THSD1: variants seen among roughly 807,000 people sequenced by gnomAD.
The protein encoded by THSD1 is thrombospondin type-1 domain-containing protein 1.
Under a neutral mutation model 46.3 loss-of-function variants are expected in THSD1, and 34 were observed. That is an observed-to-expected ratio of 0.74 (90% CI 0.56 to 0.98). The LOEUF (loss-of-function observed/expected upper bound fraction) is 0.98, where lower values mean the gene tolerates loss of function less well. Among genes scored for constraint, THSD1 ranks in the 50% least tolerant of loss-of-function variants. The pLI, the probability that THSD1 is intolerant of heterozygous loss-of-function variation, is 0.00. For synonymous variants in THSD1, 407 were observed against 416.5 expected (o/e 0.98, Z 0.28); for missense variants, 1,023 against 1,058.3 (o/e 0.97, Z 0.46).
At chr13:52,403,906 T>C (rs138107985) in intron 1 of THSD1, among the ~76,000 whole-genome samples, 232 of 152,088 alleles carry the variant, frequency 1.5e-3, no homozygotes, top group African/African-American at 4.9e-3. Flanking sequence ...ATATGTACTT[T>C]CTTAATGTTT....
chr13:52,401,465 A>G (rs1957860684), intron 2 of THSD1, among the ~76,000 whole-genome samples: 1 of 149,688 alleles, frequency 6.7e-6, no homozygotes, highest in Non-Finnish European at 1.5e-5. Flanking sequence ...CATCCGGCTA[A>G]TTTTTTTGTA....
rs1287495845 is a variant in THSD1 at position 52,397,518 on chromosome 13, C to T, written c.735G>A (p.Val245=). 1 of 1,614,138 alleles carries T rather than the reference C, an allele frequency of 6.2e-7. No homozygotes were observed. Among genetic ancestry groups the T allele is most frequent in the Non-Finnish European group, 8.5e-7 (1 of 1,180,026 alleles). Reference sequence around the variant, plus strand: ...ACTCACATGTGAGTTCTGGCACCATCACCAGTTTGTATCCAAATTTCTGGG... The same window carrying T: ...ACTCACATGTGAGTTCTGGCACCATTACCAGTTTGTATCCAAATTTCTGGG... ...DLAQKFGYKL[V]MVPELTCESG... The change falls in exon 3 of 5, where the codon GTG becomes GTA. Residue 245 remains valine (V), a synonymous_variant. Coordinates refer to ENST00000258613, the MANE Select transcript of THSD1 (RefSeq NM_018676.4).
intron 3 of THSD1, among the ~76,000 whole-genome samples, chr13:52,392,952 T>A (rs965491405): frequency 5.3e-5 from 8 of 151,964 alleles, no homozygotes; most frequent in Admixed American, 3.3e-4. Context: ...AAGAGATGGG[T>A]GGCACAAAAT....
At chr13:52,381,941 G>T (rs1196019846) in intron 4 of THSD1, among the ~76,000 whole-genome samples, 1 of 152,100 alleles carries the variant, frequency 6.6e-6, no homozygotes, top group African/African-American at 2.4e-5. Context: ...TCCCACCAAG[G>T]TTATGAATGA....
chr13:52,387,132 C>A (rs1243955134), intron 3 of THSD1, among the ~76,000 whole-genome samples: 2 of 152,156 alleles, frequency 1.3e-5, no homozygotes, highest in African/African-American at 2.4e-5. Flanking sequence ...AAGATGAAAG[C>A]CTCTCTGATG....
chr13:52,403,082 T>A (rs2137751542), intron 1 of THSD1: 1 of 504,670 alleles, frequency 2.0e-6, no homozygotes, highest in Admixed American at 6.4e-5. Context: ...TCTGCTAAAC[T>A]TTAATTTAGC....
rs1214608790 is a variant in THSD1, at chr13:52,378,194, C to T, written c.1776G>A (p.Pro592=). ...CCCCGGCACTGACCGCGGGCTGCTC[C>T]GGAAATGGGGATTTGATCCGGAACT... The part of the protein sequence containing the change: ...ANKFRIKSPF[P]EQPAVSAGER... Residue 592 remains proline (P), a synonymous_variant, in exon 5 of 5, where the codon CCG becomes CCA. Coordinates refer to ENST00000258613, the MANE Select transcript of THSD1 (RefSeq NM_018676.4). The T allele has an allele frequency of 1.2e-6, 2 of 1,614,172 alleles. No individual in the cohort carries two copies. Among genetic ancestry groups the T allele is most frequent in the South Asian group, 1.1e-5 (1 of 91,082 alleles).
At chr13:52,404,689 G>A (rs1430776749) in intron 1 of THSD1, among the ~76,000 whole-genome samples, 2 of 152,166 alleles carry the variant, frequency 1.3e-5, no homozygotes, top group African/African-American at 4.8e-5. Flanking sequence ...CAATTACAAT[G>A]CTTCTTTTAA....
Position 52,378,798 on chromosome 13 carries a change from A to C in THSD1, c.1181-9T>G, listed in dbSNP as rs200873789. On this transcript the variant is annotated splice_polypyrimidine_tract_variant and intron_variant, in intron 4 of 4. Transcript: ENST00000258613. ...GCTGGATGGCTGGAAAGCTGCAAAA[A>C]AAAACAAAACAAAACAAACAAACAA... The C allele has an allele frequency of 9.8e-4, 1,521 of 1,556,502 alleles. 17 individuals are homozygous for C. In the African/African-American group the frequency reaches 0.01, roughly 11 times the overall value.
Position 52,378,654 on chromosome 13 carries a change from A to C in THSD1, c.1316T>G (p.Phe439Cys). ...ATVLITLWRRFGRPAKCSTPA... is the reference protein window; with the variant it reads ...ATVLITLWRRCGRPAKCSTPA... ...TGTGCTGCACTTGGCTGGCCGGCCG[A>C]ACCTCCTCCACAGCGTGATGAGCAC... The change falls in exon 5 of 5, where the codon TTC becomes TGC. Residue 439 changes from phenylalanine (F) to cysteine (C), a missense_variant. Physicochemically the swap from Phe to Cys is radical, Grantham distance 205. This residue lies in a region of THSD1 where 578 missense variants were observed against 497.4 expected (regional missense o/e 1.16). Transcript: ENST00000258613. 6.2e-7 allele frequency: 1 copy of C among 1,614,094 alleles called. No individual in the cohort carries two copies. Among genetic ancestry groups the C allele is most frequent in the South Asian group, 1.1e-5 (1 of 91,078 alleles).
intron 3 of THSD1, among the ~76,000 whole-genome samples, chr13:52,395,894 T>C (rs1288333999): frequency 1.3e-5 from 2 of 152,138 alleles, no homozygotes; most frequent in African/African-American, 4.8e-5. Context: ...CAGGCCACCA[T>C]GATGTAACCT....
chr13:52,397,769 T>C lies in THSD1; in HGVS notation c.484A>G (p.Lys162Glu). 2 of 1,614,272 alleles carry C rather than the reference T, an allele frequency of 1.2e-6. No homozygotes were observed. The highest frequency in any genetic ancestry group is 1.7e-6 in the Non-Finnish European group (2 of 1,180,044). ...SQPLCPFPVD[K>E]PNIVVDVIFT... ...ATGACATCCACTACGATGTTGGGCT[T>C]GTCCACAGGAAACGGGCACAGTGGT... Residue 162 changes from lysine to glutamate, a missense_variant, in exon 3 of 5, where the codon AAG (lysine) becomes GAG (glutamate). Physicochemically the swap from Lys to Glu is moderately conservative, Grantham distance 56 (BLOSUM62 1). Around this residue, in one of 3 missense-constraint regions of THSD1, gnomAD observed 429 missense variants for 518.3 expected, o/e 0.83. Transcript: ENST00000258613.
At position 52,402,667 on chromosome 13, in the gene THSD1, T is replaced by C; in HGVS notation, c.-67A>G. ...TTTCTCACGTCCAGATTGTGATTTT[T>C]TTCCCCAAAAACACCTGAAATTAGA... is the stretch of plus-strand genomic sequence containing the variant. On this transcript the variant is annotated 5_prime_UTR_variant, in exon 2 of 5. Transcript: ENST00000258613. 7 of 1,595,528 alleles carry C rather than the reference T, an allele frequency of 4.4e-6. No individual in the cohort carries two copies. The highest frequency in any genetic ancestry group is 6.0e-6 in the Non-Finnish European group (7 of 1,169,578).
At chr13:52,387,272 A>G (rs1328043412) in intron 3 of THSD1, among the ~76,000 whole-genome samples, 1 of 152,240 alleles carries the variant, frequency 6.6e-6, no homozygotes, top group Non-Finnish European at 1.5e-5. Flanking sequence ...GAGGGTAGCC[A>G]TAACAATGGT....
Position 52,377,513 on chromosome 13 carries a change from G to T in THSD1, c.2457C>A (p.Leu819=). The T allele has an allele frequency of 6.3e-7, 1 of 1,596,720 alleles. No homozygotes were observed. Among genetic ancestry groups the T allele is most frequent in the Non-Finnish European group, 8.6e-7 (1 of 1,165,698 alleles). ...CCAGCATCCTCTGCTCAGCCTCAGT[G>T]AGGCCAAACGACGTATTGTCATAGA... The part of the protein sequence containing the change: ...FAFYDNTSFG[L]TEAEQRMLDL... Residue 819 remains leucine (L), a synonymous_variant, in exon 5 of 5, where the codon CTC becomes CTA. Transcript: ENST00000258613.
In THSD1 at chr13:52,397,809, GC is replaced by G. The variant is rs1404402810; in HGVS notation, c.443del (p.Gly148AlafsTer19). 1.2e-6 allele frequency: 2 copies of G among 1,614,220 alleles called. No homozygotes were observed. The highest frequency in any genetic ancestry group is 2.2e-5 in the South Asian group (2 of 91,086). On this transcript the variant is annotated frameshift_variant, in exon 3 of 5. Coordinates refer to ENST00000258613, the MANE Select transcript of THSD1 (RefSeq NM_018676.4). LOFTEE classifies it high-confidence loss of function. ...AKAAEGTFQV[G>X]LFTSQPLCPF... is the part of the protein sequence containing the mutation. The stretch of plus-strand genomic sequence containing the variant: ...GGCACAGTGGTTGACTGGTAAATAG[GC>G]CCACTTGGAAGGTGCCTTCTGCTGC...
rs963061599 is a variant in THSD1, at chr13:52,398,189, C to T, written c.64G>A (p.Gly22Arg). Residue 22 changes from glycine to arginine, a missense_variant, in exon 3 of 5, where the codon GGA (glycine) becomes AGA (arginine). Around this residue, in one of 3 missense-constraint regions of THSD1, gnomAD observed 429 missense variants for 518.3 expected, o/e 0.83. Transcript: ENST00000258613. ...CTCAAGAGAAGATATTCAGCTTCTC[C>T]AAGAACTGAAATGAAGTGGTCAGAA... is the stretch of plus-strand genomic sequence containing the variant. The part of the protein sequence containing the change: ...LLVVLCDYVL[G>R]EAEYLLLREP... The T allele has an allele frequency of 2.5e-6, 4 of 1,610,854 alleles. No individual in the cohort carries two copies. The highest frequency in any genetic ancestry group is 3.4e-6 in the Non-Finnish European group (4 of 1,177,808).
Position 52,378,009 on chromosome 13 carries a change from G to T in THSD1, c.1961C>A (p.Ala654Glu), listed in dbSNP as rs368099101. Residue 654 changes from alanine to glutamate, a missense_variant, in exon 5 of 5, where the codon GCG becomes GAG. Ala to Glu is a moderately radical substitution (Grantham distance 107, BLOSUM62 -1). Coordinates refer to ENST00000258613, the MANE Select transcript of THSD1 (RefSeq NM_018676.4). ...GGCCTGCCTGGCTTCATGGAAACTC[G>T]CTGTCCTCCTGAAATGGGCGTTCCT... ...HARNAHFRRT[A>E]SFHEARQARP... 8 of 1,614,098 alleles carry T rather than the reference G, an allele frequency of 5.0e-6. No individual in the cohort carries two copies. The South Asian group carries it at 6.6e-5, about 13-fold the overall frequency.
In THSD1 at chr13:52,397,699, G is replaced by A. The variant is rs1330225195; in HGVS notation, c.554C>T (p.Pro185Leu). The A allele has an allele frequency of 6.8e-6, 11 of 1,614,044 alleles. No homozygotes were observed. Among genetic ancestry groups the A allele is most frequent in the Non-Finnish European group, 9.3e-6 (11 of 1,180,050 alleles). ...CCTTTTGCTGGTTCTTATTTCCAGC[G>A]GCTGTCTTGAATTTCTTCTTGCCTC... is the stretch of plus-strand genomic sequence containing the variant. ...LPEARRNSRQ[P>L]LEIRTSKRTE... Residue 185 changes from proline (P) to leucine (L), a missense_variant, in exon 3 of 5, where the codon CCG becomes CTG. Transcript: ENST00000258613.
Sources: gnomAD v4.1 joint callset for allele counts (sites outside exome capture counted in the v4.1 genomes callset) on GRCh38, gnomAD v4.1.1 for gene constraint, gnomAD v4.1.1 regional missense constraint, MANE v1.5 for transcripts, NCBI Gene and HGNC (gene_info 2026-07-23, HGNC 2026-07-21) for gene names.